ADCY2: variants seen among roughly 807,000 people sequenced by gnomAD.
The protein encoded by ADCY2 is adenylate cyclase type 2.
In ADCY2, 31 loss-of-function variants were observed where a neutral mutation model predicts 125.2. The ratio of observed to expected loss-of-function variants is 0.25; its 90% CI spans 0.19 to 0.33. ADCY2 has a LOEUF of 0.33. Among genes scored for constraint, ADCY2 ranks in the 10% least tolerant of loss-of-function variants. The probability of loss-of-function intolerance (pLI) is 1.00; values close to 1 mark genes in which losing one functional copy is unlikely to be tolerated. For synonymous variants in ADCY2, 512 were observed against 548.4 expected (o/e 0.93, Z 0.93); for missense variants, 904 against 1,418.2 (o/e 0.64, Z 5.82).
intron 2 of ADCY2, among the ~76,000 whole-genome samples, chr5:7,456,503 T>C (rs1004129739): frequency 6.6e-6 from 1 of 152,228 alleles, no homozygotes; most frequent in Admixed American, 6.5e-5. Flanking sequence ...ATGGATGGCA[T>C]CAATAACATG....
intron 2 of ADCY2, among the ~76,000 whole-genome samples, chr5:7,423,190 T>C (rs1740274007): frequency 6.6e-6 from 1 of 152,200 alleles, no homozygotes; most frequent in African/African-American, 2.4e-5. Context: ...ACCTGTGCAT[T>C]TGAGGGAAGT....
intron 4 of ADCY2, chr5:7,654,087 G>C: frequency 2.2e-6 from 1 of 456,240 alleles, no homozygotes; most frequent in Non-Finnish European, 4.4e-6. Flanking sequence ...ACCACCCTGA[G>C]GCTGGGCGCA....
intron 18 of ADCY2, among the ~76,000 whole-genome samples, chr5:7,781,171 A>G (rs532110314): frequency 6.6e-6 from 1 of 152,206 alleles, no homozygotes; most frequent in Non-Finnish European, 1.5e-5. Context: ...TCCTTAAAAC[A>G]TAAAGGAGAG....
intron 2 of ADCY2, among the ~76,000 whole-genome samples, chr5:7,449,731 A>AT (rs1431941254): frequency 2.6e-5 from 4 of 152,122 alleles, no homozygotes; most frequent in African/African-American, 4.8e-5. Context: ...CAGATACTGA[A>AT]TTTTTTACAA....
chr5:7,603,558 C>CT (rs1285481909), intron 3 of ADCY2, among the ~76,000 whole-genome samples: 3 of 152,178 alleles, frequency 2.0e-5, no homozygotes, highest in Admixed American at 2.0e-4. Flanking sequence ...GTAACCACCT[C>CT]CTTGGACGGA....
chr5:7,467,876 C>A (rs1054336990), intron 2 of ADCY2, among the ~76,000 whole-genome samples: 5 of 152,088 alleles, frequency 3.3e-5, no homozygotes, highest in Non-Finnish European at 5.9e-5. Flanking sequence ...AATGATAGTG[C>A]AAATTGCTTG....
At chr5:7,593,577 A>C (rs1276027261) in intron 3 of ADCY2, among the ~76,000 whole-genome samples, 2 of 152,218 alleles carry the variant, frequency 1.3e-5, no homozygotes, top group Non-Finnish European at 2.9e-5. Context: ...AAAAATAGCC[A>C]AAATCTGCTA....
chr5:7,505,701 G>T (rs990372352), intron 2 of ADCY2, among the ~76,000 whole-genome samples: 5 of 152,178 alleles, frequency 3.3e-5, no homozygotes, highest in Admixed American at 3.3e-4. Context: ...GGGTCTTATT[G>T]TGGTAAGAGC....
At chr5:7,677,412 C>G (rs1360170597) in intron 4 of ADCY2, among the ~76,000 whole-genome samples, 1 of 152,174 alleles carries the variant, frequency 6.6e-6, no homozygotes, top group African/African-American at 2.4e-5. Context: ...CGGTTCCTCT[C>G]CACGATTGAA....
At chr5:7,533,844 G>A (rs1734729697) in intron 3 of ADCY2, among the ~76,000 whole-genome samples, 1 of 152,026 alleles carries the variant, frequency 6.6e-6, no homozygotes, top group Admixed American at 6.6e-5. Flanking sequence ...CTACATGTTG[G>A]TATGACCGTT....
intron 3 of ADCY2, among the ~76,000 whole-genome samples, chr5:7,525,673 G>C (rs888380256): frequency 2.0e-5 from 3 of 151,956 alleles, no homozygotes; most frequent in African/African-American, 7.3e-5. Flanking sequence ...GTGTGTGTGT[G>C]TGTGTGTTTG....
intron 4 of ADCY2, among the ~76,000 whole-genome samples, chr5:7,648,855 A>C (rs1352266366): frequency 2.0e-5 from 3 of 152,180 alleles, no homozygotes; most frequent in Admixed American, 6.5e-5. Flanking sequence ...GAATTGGAAG[A>C]AGGTCTTTTG....
At chr5:7,789,503 T>C in intron 19 of ADCY2, 139 bp from the exon 20 acceptor site, 1 of 766,346 alleles carries the variant, frequency 1.3e-6, no homozygotes, top group South Asian at 1.9e-5. Flanking sequence ...ACAGAGGGCT[T>C]TATGGGGAGG....
chr5:7,699,081 ATTTTTTTTTTTTTTTTTTTT>A (rs561359357), intron 7 of ADCY2, among the ~76,000 whole-genome samples: 1 of 37,964 alleles, frequency 2.6e-5, no homozygotes, highest in Non-Finnish European at 4.7e-5. Flanking sequence ...AACAGTAAGC[ATTTTTTTTTTTTTTTTTTTT>A]TTTTTTTTTT....
chr5:7,678,306 C>T (rs1479297441), intron 4 of ADCY2, among the ~76,000 whole-genome samples: 2 of 152,064 alleles, frequency 1.3e-5, no homozygotes, highest in Non-Finnish European at 2.9e-5. Flanking sequence ...ACAGGAGTAG[C>T]GTTCAACGAT....
chr5:7,414,206 G>T (rs942270061), intron 1 of ADCY2, among the ~76,000 whole-genome samples: 7 of 152,106 alleles, frequency 4.6e-5, no homozygotes, highest in Non-Finnish European at 1.0e-4. Flanking sequence ...TCTAAGGCCG[G>T]GGTTTTTCTG....
At chr5:7,666,098 A>T (rs903180440) in intron 4 of ADCY2, among the ~76,000 whole-genome samples, 1 of 151,646 alleles carries the variant, frequency 6.6e-6, no homozygotes, top group African/African-American at 2.4e-5. Flanking sequence ...TTGGCCTCCC[A>T]AAGTGCTGGG....
intron 7 of ADCY2, among the ~76,000 whole-genome samples, chr5:7,699,236 T>A (rs951402566): frequency 2.0e-5 from 3 of 148,978 alleles, no homozygotes; most frequent in African/African-American, 7.4e-5. Context: ...TAGCTGGGAC[T>A]ACAGGCGCCC....
chr5:7,460,451 A>G (rs1741875940), intron 2 of ADCY2, among the ~76,000 whole-genome samples: 1 of 152,128 alleles, frequency 6.6e-6, no homozygotes, highest in Admixed American at 6.6e-5. Flanking sequence ...CTTTTACTAT[A>G]GTTGTTTTTA....
Sources: gnomAD v4.1 joint callset for allele counts (sites outside exome capture counted in the v4.1 genomes callset) on GRCh38, gnomAD v4.1.1 for gene constraint, MANE v1.5 for transcripts, NCBI Gene and HGNC (gene_info 2026-07-23, HGNC 2026-07-21) for gene names.